Variants in EPHB2 observed in about 807,000 individuals in gnomAD.
The protein encoded by EPHB2 is EPH receptor B2, also known as ephrin type-B receptor 2.
EPHB2 carries 18 observed loss-of-function variants against 96.4 expected under a neutral mutation model. The ratio of observed to expected loss-of-function variants is 0.19; its 90% CI spans 0.13 to 0.28. The LOEUF (loss-of-function observed/expected upper bound fraction) is 0.28. Among genes scored for constraint, EPHB2 ranks in the 10% least tolerant of loss-of-function variants. The probability of loss-of-function intolerance (pLI) is 1.00; values close to 1 mark genes in which losing one functional copy is unlikely to be tolerated. For missense variants in EPHB2, 989 were observed against 1,355.4 expected (o/e 0.73, Z 4.25); for synonymous variants, 506 against 534.1 (o/e 0.95, Z 0.72).
chr1:22,870,035 C>T (rs1466661268), intron 5 of EPHB2, among the ~76,000 whole-genome samples: 2 of 152,092 alleles, frequency 1.3e-5, no homozygotes, highest in African/African-American at 2.4e-5. Flanking sequence ...GAAGTGCAAT[C>T]GGGCTGGGAA....
intron 1 of EPHB2, among the ~76,000 whole-genome samples, chr1:22,761,127 T>C (rs927855462): frequency 1.3e-5 from 2 of 152,150 alleles, no homozygotes; most frequent in African/African-American, 4.8e-5. Flanking sequence ...CCTGCCCCCA[T>C]GATTCTCTTC....
rs536248485 is a variant in EPHB2 at position 22,858,910 on chromosome 1, T to G, written c.812-4127T>G. Among the ~76,000 whole-genome samples the G allele has an allele frequency of 8.5e-5, 13 of 152,276 alleles. No individual in the cohort carries two copies. Among genetic ancestry groups the G allele is most frequent in the Non-Finnish European group, 1.8e-4 (12 of 68,012 alleles). The stretch of plus-strand genomic sequence containing the variant: ...CCCATCACCCACTAGAAACCCAGCA[T>G]TATACTGGGAGTTTACAGTCCAGCC... On this transcript the variant is annotated intron_variant, in intron 3 of 15. Transcript: ENST00000374630. The surrounding 1 kb of genome is among the most constrained non-coding windows in gnomAD (Gnocchi z 7.7).
intron 3 of EPHB2, among the ~76,000 whole-genome samples, chr1:22,855,319 G>A (rs540116602): frequency 6.6e-6 from 1 of 152,308 alleles, no homozygotes; most frequent in South Asian, 2.1e-4. Context: ...TGACTTCCTA[G>A]AGATTCCAAG....
intron 4 of EPHB2, among the ~76,000 whole-genome samples, chr1:22,863,600 C>T (rs907056985): frequency 6.6e-6 from 1 of 152,234 alleles, no homozygotes; most frequent in Non-Finnish European, 1.5e-5. Context: ...AACGCAGCGT[C>T]ACAACCCCTG....
intron 3 of EPHB2, among the ~76,000 whole-genome samples, chr1:22,859,051 T>C (rs1570397643): frequency 6.6e-6 from 1 of 152,176 alleles, no homozygotes; most frequent in East Asian, 1.9e-4. Flanking sequence ...GGCAGGAGAA[T>C]CACTTGAACC....
intron 3 of EPHB2, chr1:22,835,877 A>C (rs1645374521): frequency 6.7e-6 from 1 of 149,722 alleles, no homozygotes; most frequent in Non-Finnish European, 1.5e-5. Context: ...CTTTCTCCTG[A>C]GATGTTGGGC....
At chr1:22,851,734 C>T (rs1645628369) in intron 3 of EPHB2, among the ~76,000 whole-genome samples, 1 of 152,252 alleles carries the variant, frequency 6.6e-6, no homozygotes, top group Non-Finnish European at 1.5e-5. Flanking sequence ...CCTTGAACCT[C>T]ACGTGCTAGC....
chr1:22,859,903 C>CTAA (rs1645765961), intron 3 of EPHB2, among the ~76,000 whole-genome samples: 1 of 152,180 alleles, frequency 6.6e-6, no homozygotes, highest in Non-Finnish European at 1.5e-5. Context: ...AAAAGAAGCC[C>CTAA]TGTTCCCCAT....
At position 22,917,637 on chromosome 1, in the gene EPHB2, G is replaced by T. The variant is rs933744702; in HGVS notation, c.*4067G>T. On this transcript the variant is annotated 3_prime_UTR_variant, in exon 16 of 16. Coordinates refer to ENST00000374630, the MANE Select transcript of EPHB2 (RefSeq NM_017449.5). ...TATACACCTTAGTCCCATGAGGAAG[G>T]AGTATTCCCCCTGCATATTTTGGGG... 5.3e-5 allele frequency: 8 copies of T among 152,344 alleles called. No homozygotes were observed. Among genetic ancestry groups the T allele is most frequent in the African/African-American group, 1.4e-4 (6 of 41,548 alleles). The allele number at this position is 152,344 out of a possible 1,614,324, so 9.4% of individuals were successfully genotyped here.
At chr1:22,840,601 C>T (rs543706541) in intron 3 of EPHB2, among the ~76,000 whole-genome samples, 4 of 152,316 alleles carry the variant, frequency 2.6e-5, no homozygotes, top group African/African-American at 9.6e-5. Context: ...GCTGTGATTA[C>T]AGGCACACAC....
At chr1:22,717,439 C>A (rs973758337) in intron 1 of EPHB2, among the ~76,000 whole-genome samples, 3 of 152,204 alleles carry the variant, frequency 2.0e-5, no homozygotes, top group African/African-American at 7.2e-5. Context: ...GACACCCTCA[C>A]TAGGTGAGCT....
chr1:22,756,984 G>A (rs1355666597), intron 1 of EPHB2, among the ~76,000 whole-genome samples: 5 of 152,164 alleles, frequency 3.3e-5, no homozygotes, highest in Non-Finnish European at 7.4e-5. Context: ...ATGCCTAAAT[G>A]ATGTTTAGTT....
rs755975933 is a variant in EPHB2, at chr1:22,790,007, A to G, written c.811+4931A>G. ...GAACGAGGCAGAGTATGGTGCTGCC[A>G]CAAATGAGATCCATCCAGGCAAAGT... On this transcript the variant is annotated intron_variant, in intron 3 of 15. Transcript: ENST00000374630. The surrounding 1 kb of genome is among the most constrained non-coding windows in gnomAD (Gnocchi z 4.0). Among the ~76,000 whole-genome samples, 8 of 152,194 alleles carry G rather than the reference A, an allele frequency of 5.3e-5. 1 individual carries two copies. Among genetic ancestry groups the G allele is most frequent in the South Asian group, 2.1e-4 (1 of 4,830 alleles).
chr1:22,770,551 T>C (rs1644367597), intron 1 of EPHB2, among the ~76,000 whole-genome samples: 1 of 152,188 alleles, frequency 6.6e-6, no homozygotes, highest in Admixed American at 6.5e-5. Context: ...TCCATTCACA[T>C]GCAGAGGGAT....
chr1:22,865,045 T>C lies in EPHB2; in HGVS notation c.1136T>C (p.Val379Ala), dbSNP rs1295335562. 6.2e-7 allele frequency: 1 copy of C among 1,614,196 alleles called. No individual in the cohort carries two copies. The highest frequency in any genetic ancestry group is 8.5e-7 in the Non-Finnish European group (1 of 1,180,042). ...RGACTRCGDN[V>A]QYAPRQLGLT... ...GCCTGCACCCGCTGCGGGGACAATG[T>C]ACAGTACGCACCACGCCAGCTAGGC... is the stretch of plus-strand genomic sequence containing the variant. The change falls in exon 5 of 16, where the codon GTA (valine) becomes GCA (alanine). Residue 379 changes from valine (V) to alanine (A), a missense_variant. Transcript: ENST00000374630.
chr1:22,887,647 C>T (rs987648428), intron 6 of EPHB2, among the ~76,000 whole-genome samples: 3 of 152,192 alleles, frequency 2.0e-5, no homozygotes, highest in Non-Finnish European at 4.4e-5. Context: ...TGGCTGCTTC[C>T]GTCAGTTCCA....
chr1:22,894,743 A>C (rs1639502032), intron 7 of EPHB2, among the ~76,000 whole-genome samples: 1 of 152,114 alleles, frequency 6.6e-6, no homozygotes. Flanking sequence ...GATCAAGCAG[A>C]CCTGGGTTCA....
At chr1:22,837,258 G>A (rs1645399372) in intron 3 of EPHB2, among the ~76,000 whole-genome samples, 1 of 152,200 alleles carries the variant, frequency 6.6e-6, no homozygotes. Flanking sequence ...TGTCACAGGG[G>A]CCCCTGGGAC....
chr1:22,837,967 G>C (rs1204967676), intron 3 of EPHB2, among the ~76,000 whole-genome samples: 1 of 152,206 alleles, frequency 6.6e-6, no homozygotes, highest in Non-Finnish European at 1.5e-5. Context: ...TGGCCTCAAG[G>C]AATAGGGGAG....
Sources: allele counts gnomAD v4.1 joint callset (sites outside exome capture counted in the v4.1 genomes callset), GRCh38; gene constraint gnomAD v4.1.1; non-coding constraint Gnocchi (gnomAD v3.1); transcripts MANE v1.5; gene names NCBI Gene and HGNC (gene_info 2026-07-23, HGNC 2026-07-21).